Variants in CNTRL observed in about 807,000 individuals in gnomAD.
CNTRL encodes the protein 110 kDa centrosomal protein.
Under a neutral mutation model 303.7 loss-of-function variants are expected in CNTRL, and 233 were observed. That is an observed-to-expected ratio of 0.77 (90% CI 0.69 to 0.86). CNTRL has a LOEUF of 0.86. Ranked by LOEUF, CNTRL falls within the 40% of genes least tolerant of loss-of-function variation. The pLI, the probability that CNTRL is intolerant of heterozygous loss-of-function variation, is 0.00. For synonymous variants in CNTRL, 900 were observed against 922.2 expected (o/e 0.98, Z 0.44); for missense variants, 2,524 against 2,650.6 (o/e 0.95, Z 1.05).
intron 7 of CNTRL, among the ~76,000 whole-genome samples, chr9:121,100,077 C>T (rs928398910): frequency 1.1e-4 from 17 of 152,166 alleles, no homozygotes; most frequent in South Asian, 4.2e-4. Flanking sequence ...AGATACTCCT[C>T]GAGAATAGCA....
At chr9:121,076,039 A>C (rs976282417) in intron 1 of CNTRL, among the ~76,000 whole-genome samples, 6 of 152,254 alleles carry the variant, frequency 3.9e-5, no homozygotes, top group African/African-American at 1.4e-4. Flanking sequence ...TGTTTAGTAC[A>C]GTCCTTCAGT....
chr9:121,103,594 C>T (rs1437121578), intron 7 of CNTRL, among the ~76,000 whole-genome samples: 2 of 152,126 alleles, frequency 1.3e-5, no homozygotes, highest in Non-Finnish European at 2.9e-5. Context: ...AAAGAAACTA[C>T]CATCAGAGTG....
At chr9:121,175,701 G>T (rs745359532) in intron 43 of CNTRL, among the ~76,000 whole-genome samples, 2 of 152,184 alleles carry the variant, frequency 1.3e-5, no homozygotes, top group African/African-American at 2.4e-5. Flanking sequence ...ACTTGTCTTA[G>T]CAAAGACTTG....
Position 121,144,938 on chromosome 9 carries a change from C to T in CNTRL, c.3147C>T (p.Leu1049=). Residue 1049 remains leucine (L), a synonymous_variant, in exon 21 of 44, where the codon CTC becomes CTT. Transcript: ENST00000373855. Reference sequence around the variant, plus strand: ...CTGAGATCGAACTCCTGCAGAATCTCCTCAGGCAGAAGGGGGAGCAGGTCA... The same window carrying T: ...CTGAGATCGAACTCCTGCAGAATCTTCTCAGGCAGAAGGGGGAGCAGGTCA... The part of the protein sequence containing the change: ...AEAEIELLQN[L]LRQKGEQFRL... 6.2e-7 allele frequency: 1 copy of T among 1,613,510 alleles called. No individual in the cohort carries two copies. Among genetic ancestry groups the T allele is most frequent in the Non-Finnish European group, 8.5e-7 (1 of 1,179,780 alleles).
At chr9:121,097,936 T>G (rs1489395504) in intron 6 of CNTRL, among the ~76,000 whole-genome samples, 1 of 152,206 alleles carries the variant, frequency 6.6e-6, no homozygotes. Context: ...AAACTGTCAA[T>G]TATAGCACAG....
chr9:121,090,751 G>T (rs1335212221), intron 4 of CNTRL, among the ~76,000 whole-genome samples: 1 of 152,200 alleles, frequency 6.6e-6, no homozygotes, highest in Non-Finnish European at 1.5e-5. Flanking sequence ...GCAGAGCTTA[G>T]TAGTTGCCAC....
At chr9:121,075,279 G>T (rs1243939580) in intron 1 of CNTRL, among the ~76,000 whole-genome samples, 2 of 152,206 alleles carry the variant, frequency 1.3e-5, no homozygotes, top group East Asian at 1.9e-4. Flanking sequence ...GGGAGGTTTG[G>T]ATGGGAAGAG....
At position 121,173,461 on chromosome 9, in the gene CNTRL, T is replaced by A; in HGVS notation, c.6636T>A (p.Asn2212Lys). 6.2e-7 allele frequency: 1 copy of A among 1,613,738 alleles called. No homozygotes were observed. The highest frequency in any genetic ancestry group is 8.5e-7 in the Non-Finnish European group (1 of 1,179,974). ...SLKENLPFTM[N>K]EGPFEEKLNF... ...AAGAGAACCTTCCATTTACCATGAATGAGGGACCTTTTGAAGAAAAACTGA... is the reference window on the plus strand; with the variant it reads ...AAGAGAACCTTCCATTTACCATGAAAGAGGGACCTTTTGAAGAAAAACTGA... Residue 2212 changes from asparagine to lysine, a missense_variant, in exon 41 of 44, where the codon AAT becomes AAA. Asn to Lys is a moderately conservative substitution (Grantham distance 94, BLOSUM62 0). Transcript: ENST00000373855.
At chr9:121,161,349 A>G in intron 32 of CNTRL, 1 of 404,592 alleles carries the variant, frequency 2.5e-6, no homozygotes. Flanking sequence ...TCTGTATTTC[A>G]AAGGCCAAAA....
intron 40 of CNTRL, among the ~76,000 whole-genome samples, chr9:121,172,792 C>T (rs1317556019): frequency 6.6e-6 from 1 of 152,160 alleles, no homozygotes; most frequent in Non-Finnish European, 1.5e-5. Context: ...ACTCTAGTTG[C>T]CAGTTGGGTG....
intron 26 of CNTRL, among the ~76,000 whole-genome samples, chr9:121,153,549 A>G (rs1000599564): frequency 2.0e-5 from 3 of 152,166 alleles, no homozygotes; most frequent in African/African-American, 7.2e-5. Context: ...AAGGTTAGCA[A>G]CCTTGGTCAT....
chr9:121,160,361 G>A, intron 32 of CNTRL, 59 bp downstream of exon 32: 1 of 1,246,714 alleles, frequency 8.0e-7, no homozygotes. Context: ...TGTATTACAA[G>A]TCACAGAAAA....
At chr9:121,100,106 G>A (rs924686701) in intron 7 of CNTRL, among the ~76,000 whole-genome samples, 3 of 152,204 alleles carry the variant, frequency 2.0e-5, no homozygotes, top group African/African-American at 4.8e-5. Context: ...ACACGTAATT[G>A]TCAGATTCAT....
At chr9:121,159,630 A>T (rs1273268412) in intron 31 of CNTRL, among the ~76,000 whole-genome samples, 1 of 151,390 alleles carries the variant, frequency 6.6e-6, no homozygotes, top group East Asian at 1.9e-4. Flanking sequence ...GGTTGCAGTG[A>T]GCCGAGATCG....
At chr9:121,141,716 C>A in intron 18 of CNTRL, 128 bp downstream of exon 18, 2 of 918,166 alleles carry the variant, frequency 2.2e-6, no homozygotes, top group Non-Finnish European at 3.3e-6. Flanking sequence ...TATAACAAGT[C>A]AAGCTGGGTG....
Position 121,124,089 on chromosome 9 carries a change from GAC to G in CNTRL, c.1804+6_1804+7del, listed in dbSNP as rs746195490. On this transcript the variant is annotated splice_donor_region_variant and intron_variant, in intron 13 of 43. Coordinates refer to ENST00000373855, the MANE Select transcript of CNTRL (RefSeq NM_007018.6). ...TTGAAGAACAGCTTACTGAAGGTAAGACTTTCAGTATGATTTAAGGTAAATCA... is the reference window on the plus strand; with the variant it reads ...TTGAAGAACAGCTTACTGAAGGTAAGTTTCAGTATGATTTAAGGTAAATCA... The G allele has an allele frequency of 2.9e-5, 47 of 1,598,618 alleles. No homozygotes were observed. Among genetic ancestry groups the G allele is most frequent in the Non-Finnish European group, 3.9e-5 (46 of 1,174,280 alleles).
At position 121,168,274 on chromosome 9, in the gene CNTRL, AAG is replaced by A; in HGVS notation, c.6026_6027del (p.Glu2009GlyfsTer5). On this transcript the variant is annotated frameshift_variant, in exon 38 of 44. Transcript: ENST00000373855. LOFTEE classifies it high-confidence loss of function. ...GAAGAGCGTGTTAGGACTCTGCAGG[AAG>A]AGGAGAGGTGGTGTGAGAGCCTGGA... 6.2e-7 allele frequency: 1 copy of A among 1,614,126 alleles called. No homozygotes were observed.
intron 42 of CNTRL, among the ~76,000 whole-genome samples, chr9:121,174,149 G>A (rs942102611): frequency 2.0e-5 from 3 of 152,192 alleles, no homozygotes; most frequent in African/African-American, 7.2e-5. Flanking sequence ...TGACTTTGAA[G>A]GCCTTGTGAG....
At chr9:121,149,241 C>T (rs1247067923) in intron 24 of CNTRL, among the ~76,000 whole-genome samples, 1 of 152,236 alleles carries the variant, frequency 6.6e-6, no homozygotes, top group Non-Finnish European at 1.5e-5. Flanking sequence ...TGTTACGGGT[C>T]TGTCTTCCAA....
Sources: gnomAD v4.1 joint callset for allele counts (sites outside exome capture counted in the v4.1 genomes callset) on GRCh38, gnomAD v4.1.1 for gene constraint, MANE v1.5 for transcripts, NCBI Gene and HGNC (gene_info 2026-07-23, HGNC 2026-07-21) for gene names.